The following CYTH1 variants were observed in gnomAD, a reference collection of about 807,000 sequenced individuals.
The protein encoded by CYTH1 is cytohesin 1.
A neutral mutation model predicts 61.8 loss-of-function variants in CYTH1; 18 were observed. The observed-to-expected ratio is 0.29, with a 90% CI of 0.20 to 0.43. CYTH1 has a LOEUF of 0.43. CYTH1 is among the 20% of genes least tolerant of loss of function. The pLI is 1.00. For synonymous variants in CYTH1, 174 were observed against 184.3 expected (o/e 0.94, Z 0.45); for missense variants, 336 against 510.5 (o/e 0.66, Z 3.29).
chr17:78,689,746 T>G (rs961408552), intron 11 of CYTH1, among the ~76,000 whole-genome samples: 1 of 152,198 alleles, frequency 6.6e-6, no homozygotes, highest in African/African-American at 2.4e-5. Flanking sequence ...TACTTATGTC[T>G]ATAACGGCTG....
intron 13 of CYTH1, chr17:78,676,851 C>G (rs879914069): frequency 2.6e-6 from 1 of 390,462 alleles, no homozygotes; most frequent in Non-Finnish European, 5.1e-6. Flanking sequence ...ACACCACAAC[C>G]CTATGTCTGC....
chr17:78,736,176 G>A (rs1012978280), intron 1 of CYTH1, among the ~76,000 whole-genome samples: 1 of 152,122 alleles, frequency 6.6e-6, no homozygotes, highest in East Asian at 1.9e-4. Context: ...CTTTCAATCC[G>A]ATCTCTAATG....
chr17:78,767,857 C>A (rs1483314719), intron 1 of CYTH1, among the ~76,000 whole-genome samples: 1 of 152,040 alleles, frequency 6.6e-6, no homozygotes, highest in Non-Finnish European at 1.5e-5. Context: ...TGCCAGAATG[C>A]AGCTAAGATT....
chr17:78,718,288 T>G (rs1045807016), intron 1 of CYTH1, among the ~76,000 whole-genome samples: 1 of 146,496 alleles, frequency 6.8e-6, no homozygotes, highest in African/African-American at 2.6e-5. Flanking sequence ...CTCTTAACCT[T>G]AAGCTCTGCC....
At position 78,698,156 on chromosome 17, in the gene CYTH1, T is replaced by C. The variant is rs919181415; in HGVS notation, c.811+113A>G. The C allele has an allele frequency of 4.3e-5, 38 of 875,810 alleles. 1 individual carries two copies. The highest frequency in any genetic ancestry group is 5.1e-5 in the Non-Finnish European group (27 of 529,842). The allele number at this position is 875,810 out of a possible 1,614,324, so 54.3% of individuals were successfully genotyped here. A position where few individuals can be genotyped will look rare whatever the true frequency, so the allele number is the denominator to read the frequency against. On this transcript the variant is annotated intron_variant, in intron 9 of 13. Coordinates refer to ENST00000446868, the MANE Select transcript of CYTH1 (RefSeq NM_004762.6). ...GTGCACACACACGCACGCGCACACA[T>C]GCACACGCACAAACACGCACACGCG...
At chr17:78,781,686 A>C (rs1021689746) in intron 1 of CYTH1, among the ~76,000 whole-genome samples, 2 of 152,072 alleles carry the variant, frequency 1.3e-5, no homozygotes, top group Non-Finnish European at 2.9e-5. Context: ...TGACGCCGAG[A>C]GCGGCCGGAA....
intron 13 of CYTH1, chr17:78,678,175 T>G (rs3936118): frequency 2.0e-5 from 3 of 152,102 alleles, no homozygotes; most frequent in African/African-American, 4.8e-5. Flanking sequence ...AAGGATTGAA[T>G]GATTCTAAAT....
At chr17:78,685,165 C>T (rs1358075661) in intron 11 of CYTH1, among the ~76,000 whole-genome samples, 2 of 136,162 alleles carry the variant, frequency 1.5e-5, no homozygotes, top group African/African-American at 5.6e-5. Context: ...GATCGTGCCA[C>T]TGGACTCCAG....
At chr17:78,772,528 G>A (rs1420433315) in intron 1 of CYTH1, among the ~76,000 whole-genome samples, 1 of 152,010 alleles carries the variant, frequency 6.6e-6, no homozygotes, top group Non-Finnish European at 1.5e-5. Flanking sequence ...GAAGTGTTTT[G>A]TTTTGTTTCG....
At chr17:78,757,402 C>T (rs972186778) in intron 1 of CYTH1, among the ~76,000 whole-genome samples, 13 of 152,064 alleles carry the variant, frequency 8.5e-5, no homozygotes, top group African/African-American at 2.9e-4. Flanking sequence ...ATGTAAGGTA[C>T]CTGAGAACTC....
chr17:78,717,528 G>T lies in CYTH1; in HGVS notation c.23-7796C>A, dbSNP rs140828968. Reference sequence around the variant, plus strand: ...TGTTGCTTTGCAGATTTTAACAGTCGGCAGAAACCCAGAGCTGAAATGGGT... The same window carrying T: ...TGTTGCTTTGCAGATTTTAACAGTCTGCAGAAACCCAGAGCTGAAATGGGT... On this transcript the variant is annotated intron_variant, in intron 1 of 13. Transcript: ENST00000446868. The surrounding 1 kb of genome is among the most constrained non-coding windows in gnomAD (Gnocchi z 4.4). Among the ~76,000 whole-genome samples the T allele has an allele frequency of 3.5e-4, 53 of 152,160 alleles. No homozygotes were observed. Among genetic ancestry groups the T allele is most frequent in the African/African-American group, 1.2e-3 (51 of 41,496 alleles).
intron 11 of CYTH1, among the ~76,000 whole-genome samples, chr17:78,692,193 G>A (rs893573191): frequency 2.6e-5 from 4 of 152,076 alleles, no homozygotes; most frequent in Non-Finnish European, 5.9e-5. Flanking sequence ...CACCAGAACC[G>A]GGTGCCTGCT....
At chr17:78,772,337 T>A (rs2093474675) in intron 1 of CYTH1, among the ~76,000 whole-genome samples, 2 of 152,196 alleles carry the variant, frequency 1.3e-5, no homozygotes, top group Non-Finnish European at 2.9e-5. Context: ...TGACCTATGA[T>A]GTGTGCCCCC....
chr17:78,775,892 T>C (rs947244668), intron 1 of CYTH1, among the ~76,000 whole-genome samples: 4 of 152,196 alleles, frequency 2.6e-5, no homozygotes, highest in African/African-American at 4.8e-5. Flanking sequence ...CGGTGGCTCA[T>C]ACCTGTAATC....
At chr17:78,744,711 T>C (rs1193728915) in intron 1 of CYTH1, among the ~76,000 whole-genome samples, 1 of 152,222 alleles carries the variant, frequency 6.6e-6, no homozygotes, top group African/African-American at 2.4e-5. Context: ...TTGCCATTCC[T>C]TGACATAGGC....
intron 2 of CYTH1, 137 bp downstream of exon 2, chr17:78,709,513 C>T (rs2093105565): frequency 3.8e-6 from 3 of 783,636 alleles, no homozygotes; most frequent in Non-Finnish European, 6.3e-6. Flanking sequence ...TTATCAACAC[C>T]TACGCTTTGT....
intron 3 of CYTH1, among the ~76,000 whole-genome samples, chr17:78,703,546 T>C (rs1379837221): frequency 6.6e-6 from 1 of 152,198 alleles, no homozygotes; most frequent in East Asian, 1.9e-4. Context: ...TTAGAACATT[T>C]TCATCTCCCC....
intron 1 of CYTH1, among the ~76,000 whole-genome samples, chr17:78,749,966 C>T (rs2093373508): frequency 6.6e-6 from 1 of 152,078 alleles, no homozygotes. Flanking sequence ...ATACTTATTC[C>T]ACAAAATATT....
chr17:78,711,171 A>T (rs1340748958), intron 1 of CYTH1, among the ~76,000 whole-genome samples: 1 of 151,802 alleles, frequency 6.6e-6, no homozygotes, highest in African/African-American at 2.4e-5. Context: ...CTGAGGCAGG[A>T]GAATGGCGTA....
Sources: gnomAD v4.1 joint callset for allele counts (sites outside exome capture counted in the v4.1 genomes callset) on GRCh38, gnomAD v4.1.1 for gene constraint, Gnocchi (gnomAD v3.1) non-coding constraint, MANE v1.5 for transcripts, NCBI Gene and HGNC (gene_info 2026-07-23, HGNC 2026-07-21) for gene names.